Variants in PCID2 observed in about 807,000 individuals in gnomAD.
PCID2 encodes PCI domain-containing protein 2.
In PCID2, 41 loss-of-function variants were observed where a neutral mutation model predicts 61.3. The observed-to-expected ratio is 0.67, with a 90% CI of 0.52 to 0.87. The LOEUF (loss-of-function observed/expected upper bound fraction) is 0.87, where lower values mean the gene tolerates loss of function less well. Ranked by LOEUF, PCID2 falls within the 40% of genes least tolerant of loss-of-function variation. PCID2 has a pLI of 0.00. For missense variants in PCID2, 392 were observed against 493.4 expected, an observed-to-expected ratio of 0.79 and a Z score of 1.95; for synonymous variants, 187 against 177.8, an observed-to-expected ratio of 1.05 and a Z score of -0.41.
intron 1 of PCID2, among the ~76,000 whole-genome samples, chr13:113,206,914 C>G (rs2039898336): frequency 6.6e-6 from 1 of 152,210 alleles, no homozygotes; most frequent in Admixed American, 6.5e-5. Flanking sequence ...TCTTTCCCAT[C>G]ATGTGACTAC....
At chr13:113,168,608 TATCA>T in the PCID2 span, among the ~76,000 whole-genome samples, 1 of 152,266 alleles carries the variant, frequency 6.6e-6, no homozygotes, top group African/African-American at 2.4e-5. Context: ...AGATTTCCTC[TATCA>T]TGGATTTTGA....
chr13:113,195,969 A>C (rs1015771726), intron 5 of PCID2, among the ~76,000 whole-genome samples: 6 of 152,246 alleles, frequency 3.9e-5, no homozygotes, highest in African/African-American at 1.4e-4. Flanking sequence ...ATATTGACAT[A>C]GACACACTGC....
At chr13:113,178,655 T>G (rs2037332126) in intron 13 of PCID2, among the ~76,000 whole-genome samples, 1 of 152,204 alleles carries the variant, frequency 6.6e-6, no homozygotes, top group South Asian at 2.1e-4. Flanking sequence ...AGGACGTGCA[T>G]AGCTCATATG....
chr13:113,202,336 C>T (rs995228620), intron 1 of PCID2, among the ~76,000 whole-genome samples: 10 of 152,180 alleles, frequency 6.6e-5, no homozygotes, highest in Non-Finnish European at 1.2e-4. Context: ...AAGGAATTTC[C>T]CCCCTGACTA....
rs1430549886 is a variant in PCID2, at chr13:113,190,854, C to A, written c.467+18G>T. On this transcript the variant is annotated intron_variant, in intron 7 of 13. Transcript: ENST00000337344. ...CCACCAACAGCGTCTGGTGGTCGGTCCTCAAGTCCTTACTCACGTGTCGCT... is the reference window on the plus strand; with the variant it reads ...CCACCAACAGCGTCTGGTGGTCGGTACTCAAGTCCTTACTCACGTGTCGCT... The A allele has an allele frequency of 1.9e-6, 3 of 1,546,022 alleles. No individual in the cohort carries two copies. In the South Asian group the frequency reaches 3.4e-5, roughly 17 times the overall value.
chr13:113,175,850 G>A (rs1326814390), downstream of PCID2, among the ~76,000 whole-genome samples: 1 of 152,222 alleles, frequency 6.6e-6, no homozygotes, highest in South Asian at 2.1e-4. Context: ...TGGCTTCCCT[G>A]GCTCTACTGG....
chr13:113,198,386 C>T, intron 2 of PCID2, 122 bp from the exon 3 acceptor site: 1 of 635,010 alleles, frequency 1.6e-6, no homozygotes, highest in Non-Finnish European at 2.7e-6. Context: ...CACAGTAACA[C>T]TTTATATTTA....
chr13:113,181,260 A>C, intron 9 of PCID2, 30 bp from the exon 10 acceptor site: 1 of 1,399,496 alleles, frequency 7.1e-7, no homozygotes, highest in Non-Finnish European at 1.0e-6. Flanking sequence ...AGCACGCATG[A>C]GACCAACGCA....
At position 113,208,639 on chromosome 13, in the gene PCID2, G is replaced by A. The variant is rs1200656993; in HGVS notation, c.-5C>T. 3 of 1,606,754 alleles carry A rather than the reference G, an allele frequency of 1.9e-6. No individual in the cohort carries two copies. Among genetic ancestry groups the A allele is most frequent in the African/African-American group, 2.7e-5 (2 of 74,622 alleles). ...GTTAATGGTAATGTGCGCCATGGGA[G>A]CGCCGCCGAACGGAGAGCGCCACCC... On this transcript the variant is annotated 5_prime_UTR_variant, in exon 1 of 14. Coordinates refer to ENST00000337344, the MANE Select transcript of PCID2 (RefSeq NM_001127202.4).
chr13:113,188,819 C>T (rs1161185435), intron 7 of PCID2, among the ~76,000 whole-genome samples: 2 of 152,196 alleles, frequency 1.3e-5, no homozygotes, highest in Admixed American at 6.5e-5. Flanking sequence ...CTGCTCAACA[C>T]TTACTTTCGG....
the PCID2 span, chr13:113,170,360 C>T: frequency 6.0e-5 from 69 of 1,147,798 alleles, 1 homozygote; most frequent in South Asian, 8.2e-4. Context: ...CTTTACTGCC[C>T]CTAATCCTGC....
chr13:113,202,655 A>G (rs2039513998), intron 1 of PCID2, among the ~76,000 whole-genome samples: 1 of 152,228 alleles, frequency 6.6e-6, no homozygotes, highest in African/African-American at 2.4e-5. Context: ...CGTCTTGTAT[A>G]AGAATGAAGG....
In PCID2 at chr13:113,200,456, G is replaced by A. The variant is rs2039334234; in HGVS notation, c.97C>T (p.His33Tyr). 6.2e-7 allele frequency: 1 copy of A among 1,612,816 alleles called. No individual in the cohort carries two copies. Residue 33 changes from histidine (H) to tyrosine (Y), a missense_variant, in exon 2 of 14, where the codon CAT (histidine) becomes TAT (tyrosine). Coordinates refer to ENST00000337344, the MANE Select transcript of PCID2 (RefSeq NM_001127202.4). The part of the protein sequence containing the change: ...ASCAELVSFK[H>Y]PHVANPRLQM... ...AGTCGTGGGTTTGCAACATGAGGAT[G>A]TTTAAAAGACACCAACTCTGCACAA... is the stretch of plus-strand genomic sequence containing the variant.
At chr13:113,199,680 G>A (rs185546764) in intron 2 of PCID2, among the ~76,000 whole-genome samples, 1 of 152,276 alleles carries the variant, frequency 6.6e-6, no homozygotes, top group Admixed American at 6.5e-5. Flanking sequence ...AGGCAAGCCT[G>A]AGTCTCATCG....
chr13:113,172,766 G>T (rs904754988), downstream of PCID2, among the ~76,000 whole-genome samples: 5 of 152,180 alleles, frequency 3.3e-5, no homozygotes, highest in Admixed American at 2.0e-4. Flanking sequence ...CCGAAGTCAG[G>T]GCTGAGCACT....
chr13:113,207,917 T>A, intron 1 of PCID2: 3 of 961,802 alleles, frequency 3.1e-6, no homozygotes, highest in Non-Finnish European at 1.7e-6. Context: ...ATATTTCCTA[T>A]CCCTGTTACC....
At chr13:113,185,600 A>C (rs770496928) in intron 7 of PCID2, 40 bp from the exon 8 acceptor site, 4 of 1,304,474 alleles carry the variant, frequency 3.1e-6, no homozygotes, top group Non-Finnish European at 4.4e-6. Flanking sequence ...ATAGGAAATA[A>C]AAATTTTATT....
At chr13:113,190,827 C>A in intron 7 of PCID2, 45 bp downstream of exon 7, 2 of 1,187,340 alleles carry the variant, frequency 1.7e-6, no homozygotes, top group Non-Finnish European at 2.5e-6. Flanking sequence ...GCAATGAAAA[C>A]ACCACCAACA....
At position 113,185,479 on chromosome 13, in the gene PCID2, G is replaced by A. The variant is rs760908384; in HGVS notation, c.543+6C>T. The A allele has an allele frequency of 1.2e-6, 2 of 1,601,186 alleles. No individual in the cohort carries two copies. Among genetic ancestry groups the A allele is most frequent in the Non-Finnish European group, 8.6e-7 (1 of 1,168,534 alleles). On this transcript the variant is annotated splice_donor_region_variant and intron_variant, in intron 8 of 13. Transcript: ENST00000337344. ...AAAGACAGAAAGGATTCAAACAGAAGCACACCTTGAAGTAGATTTTAAACA... is the reference window on the plus strand; with the variant it reads ...AAAGACAGAAAGGATTCAAACAGAAACACACCTTGAAGTAGATTTTAAACA...
Sources: gnomAD v4.1 joint callset for allele counts (sites outside exome capture counted in the v4.1 genomes callset) on GRCh38, gnomAD v4.1.1 for gene constraint, MANE v1.5 for transcripts, NCBI Gene and HGNC (gene_info 2026-07-23, HGNC 2026-07-21) for gene names.